The following CYB5B variants were observed in gnomAD, a reference collection of about 807,000 sequenced individuals.
CYB5B encodes the protein cytochrome b5 type B (outer mitochondrial membrane).
CYB5B carries 14 observed loss-of-function variants against 21.3 expected under a neutral mutation model. The ratio of observed to expected loss-of-function variants is 0.66; its 90% CI spans 0.43 to 1.03. The LOEUF is 1.03. Ranked by LOEUF, CYB5B falls within the 50% of genes least tolerant of loss-of-function variation. The probability of loss-of-function intolerance (pLI) is 0.00; values close to 1 mark genes in which losing one functional copy is unlikely to be tolerated. For synonymous variants in CYB5B, 69 were observed against 68.4 expected (o/e 1.01, Z -0.04); for missense variants, 166 against 185.1 (o/e 0.90, Z 0.60).
At chr16:69,460,360 G>A (rs1329889454) in intron 4 of CYB5B, among the ~76,000 whole-genome samples, 1 of 152,062 alleles carries the variant, frequency 6.6e-6, no homozygotes, top group Non-Finnish European at 1.5e-5. Flanking sequence ...TAAAACCTCA[G>A]TAGAATATGA....
In CYB5B at chr16:69,464,527, G is replaced by GA. The variant is rs1050203839; in HGVS notation, c.*2008dup. On this transcript the variant is annotated 3_prime_UTR_variant, in exon 5 of 5. Coordinates refer to ENST00000307892, the MANE Select transcript of CYB5B (RefSeq NM_030579.3). ...TACATTGGGGTAAAAGTAAAGAACA[G>GA]AGGAGTATTGAGGAGCTTGAAAGGG... 6 of 152,216 alleles carry GA rather than the reference G, an allele frequency of 3.9e-5. No homozygotes were observed. The highest frequency in any genetic ancestry group is 6.5e-5 in the Admixed American group (1 of 15,282). The allele number at this position is 152,216 out of a possible 1,614,324, so 9.4% of individuals were successfully genotyped here. A position where few individuals can be genotyped will look rare whatever the true frequency, so the allele number is the denominator to read the frequency against.
chr16:69,435,922 G>A (rs527942940), intron 1 of CYB5B, among the ~76,000 whole-genome samples: 2 of 152,316 alleles, frequency 1.3e-5, no homozygotes, highest in Admixed American at 1.3e-4. Flanking sequence ...ACAGAAGCGA[G>A]CCACTGTGCC....
intron 4 of CYB5B, among the ~76,000 whole-genome samples, chr16:69,460,484 A>T (rs867222883): frequency 3.3e-5 from 5 of 152,358 alleles, no homozygotes; most frequent in Middle Eastern, 6.8e-3. Context: ...GGTATATTTC[A>T]TACCTAACCA....
rs1330518241 is a variant in CYB5B, at chr16:69,462,494, T to G, written c.427T>G (p.Tyr143Asp). The G allele has an allele frequency of 6.2e-7, 1 of 1,614,178 alleles. No homozygotes were observed. Among genetic ancestry groups the G allele is most frequent in the Admixed American group, 1.7e-5 (1 of 60,026 alleles). The change falls in exon 5 of 5, where the codon TAC (tyrosine) becomes GAC (aspartate). Residue 143 changes from tyrosine (Y) to aspartate (D), a missense_variant. Physicochemically the swap from Tyr to Asp is radical, Grantham distance 160 (BLOSUM62 -3). Transcript: ENST00000307892. ...AVLLGFLYRY[Y>D]TSESKSS ...TCTCTTAGGTTTCCTGTACCGCTAC[T>G]ACACATCGGAAAGCAAATCCTCCTG...
chr16:69,447,313 A>C (rs369430739), intron 2 of CYB5B, 35 bp downstream of exon 2: 10 of 1,604,402 alleles, frequency 6.2e-6, no homozygotes, highest in African/African-American at 1.3e-5. Flanking sequence ...CCTTATGCAG[A>C]GAAAACTACT....
intron 1 of CYB5B, among the ~76,000 whole-genome samples, chr16:69,442,111 C>T (rs926328256): frequency 6.8e-5 from 10 of 146,330 alleles, no homozygotes; most frequent in African/African-American, 2.3e-4. Context: ...AAAATACTAA[C>T]AATTAAATAT....
intron 1 of CYB5B, among the ~76,000 whole-genome samples, chr16:69,439,812 C>T (rs1370343029): frequency 6.6e-6 from 1 of 152,112 alleles, no homozygotes; most frequent in South Asian, 2.1e-4. Context: ...AGTGATCCAC[C>T]TGCCTCAGCC....
intron 1 of CYB5B, among the ~76,000 whole-genome samples, chr16:69,440,658 T>G (rs1181771193): frequency 6.6e-6 from 1 of 152,172 alleles, no homozygotes; most frequent in Non-Finnish European, 1.5e-5. Context: ...TGATTATATC[T>G]CATTTTGTAC....
intron 4 of CYB5B, among the ~76,000 whole-genome samples, chr16:69,460,002 G>C (rs905457673): frequency 1.3e-5 from 2 of 152,128 alleles, no homozygotes; most frequent in African/African-American, 4.8e-5. Flanking sequence ...TGTAATCCCA[G>C]CACTTTGGGA....
At chr16:69,425,732 C>T (rs944591638) in intron 1 of CYB5B, among the ~76,000 whole-genome samples, 11 of 152,162 alleles carry the variant, frequency 7.2e-5, no homozygotes, top group African/African-American at 2.4e-4. Context: ...CATTCTCTCC[C>T]AACCCCAGGC....
At chr16:69,435,903 G>A (rs1230339353) in intron 1 of CYB5B, among the ~76,000 whole-genome samples, 1 of 152,172 alleles carries the variant, frequency 6.6e-6, no homozygotes, top group African/African-American at 2.4e-5. Flanking sequence ...CCTCCCAAAT[G>A]CTGGGATTAC....
At chr16:69,441,093 C>G (rs2014817106) in intron 1 of CYB5B, among the ~76,000 whole-genome samples, 1 of 151,848 alleles carries the variant, frequency 6.6e-6, no homozygotes, top group African/African-American at 2.4e-5. Flanking sequence ...GTATCACAAC[C>G]AGGATATTGA....
intron 3 of CYB5B, chr16:69,449,064 T>C (rs555511654): frequency 3.2e-4 from 48 of 152,360 alleles, no homozygotes; most frequent in African/African-American, 1.1e-3. Flanking sequence ...TTTGTGTAAA[T>C]TAACTCTTCC....
intron 1 of CYB5B, among the ~76,000 whole-genome samples, chr16:69,427,267 T>A (rs979306750): frequency 1.3e-5 from 2 of 152,306 alleles, no homozygotes; most frequent in Non-Finnish European, 2.9e-5. Flanking sequence ...TGTTTTTCAT[T>A]TGTGGTTTTA....
At chr16:69,430,962 C>T (rs2014700008) in intron 1 of CYB5B, among the ~76,000 whole-genome samples, 2 of 143,230 alleles carry the variant, frequency 1.4e-5, no homozygotes, top group South Asian at 4.5e-4. Flanking sequence ...TGTGAGCCAC[C>T]ATGCCCAGCC....
At chr16:69,459,762 T>C (rs992359603) in intron 4 of CYB5B, among the ~76,000 whole-genome samples, 2 of 152,154 alleles carry the variant, frequency 1.3e-5, no homozygotes, top group Admixed American at 6.5e-5. Flanking sequence ...TCTCGAAGTA[T>C]TTCAGAGAAA....
intron 1 of CYB5B, among the ~76,000 whole-genome samples, chr16:69,432,710 A>G (rs1394037372): frequency 1.3e-5 from 2 of 152,154 alleles, no homozygotes; most frequent in Non-Finnish European, 2.9e-5. Context: ...GAGGTGAGAA[A>G]ACAGGAGCAG....
rs112630491 is a variant in CYB5B at position 69,464,650 on chromosome 16, G to T, written c.*2130G>T. 855 of 152,742 alleles carry T rather than the reference G, an allele frequency of 5.6e-3. 10 individuals are homozygous for T. The highest frequency in any genetic ancestry group is 6.8e-3 in the Non-Finnish European group (463 of 68,020). 9.5% of individuals were successfully genotyped at this position (152,742 alleles called of 1,614,324 possible). ...TGAATGAAAAACATCTGGCTTATAA[G>T]AAATGTTAAAGAACTACCATCTTAA... On this transcript the variant is annotated 3_prime_UTR_variant, in exon 5 of 5. Coordinates refer to ENST00000307892, the MANE Select transcript of CYB5B (RefSeq NM_030579.3).
chr16:69,451,963 AT>A (rs1477473854), intron 3 of CYB5B, among the ~76,000 whole-genome samples: 2 of 144,270 alleles, frequency 1.4e-5, no homozygotes, highest in Non-Finnish European at 3.1e-5. Flanking sequence ...AAAAAAAAAA[AT>A]TCCCTCGTAT....
Sources: allele counts gnomAD v4.1 joint callset (sites outside exome capture counted in the v4.1 genomes callset), GRCh38; gene constraint gnomAD v4.1.1; transcripts MANE v1.5; gene names NCBI Gene and HGNC (gene_info 2026-07-23, HGNC 2026-07-21).